PLCZ1: variants seen among roughly 807,000 people sequenced by gnomAD.
PLCZ1 encodes phospholipase C zeta 1.
In PLCZ1, 64 loss-of-function variants were observed where a neutral mutation model predicts 76.8. That is an observed-to-expected ratio of 0.83 (90% confidence interval 0.68 to 1.03). The LOEUF (loss-of-function observed/expected upper bound fraction) is 1.03, where lower values mean the gene tolerates loss of function less well. Ranked by LOEUF, PLCZ1 falls within the 50% of genes least tolerant of loss-of-function variation. The pLI, the probability that PLCZ1 is intolerant of heterozygous loss-of-function variation, is 0.00. For synonymous variants in PLCZ1, 248 were observed against 230.8 expected (o/e 1.07, Z -0.68); for missense variants, 751 against 713.7 (o/e 1.05, Z -0.60).
chr12:18,676,040 A>C, the PLCZ1 span, among the ~76,000 whole-genome samples: 1 of 152,156 alleles, frequency 6.6e-6, no homozygotes, highest in Admixed American at 6.6e-5. Context: ...GAAAGGAAAA[A>C]AAATTATACC....
the PLCZ1 span, among the ~76,000 whole-genome samples, chr12:18,671,441 G>A: frequency 6.6e-5 from 10 of 152,128 alleles, no homozygotes; most frequent in Admixed American, 3.3e-4. Context: ...GTGTGACTGC[G>A]TCAGCATAAT....
chr12:18,667,712 T>A, the PLCZ1 span, among the ~76,000 whole-genome samples: 2 of 152,144 alleles, frequency 1.3e-5, no homozygotes, highest in East Asian at 1.9e-4. Context: ...ATCATAAAAG[T>A]CTATGAAATA....
At chr12:18,704,351 G>C (rs1956318439) in intron 7 of PLCZ1, among the ~76,000 whole-genome samples, 2 of 151,978 alleles carry the variant, frequency 1.3e-5, no homozygotes, top group Non-Finnish European at 2.9e-5. Flanking sequence ...ATATGAAGGA[G>C]TTTTGTTCTT....
intron 10 of PLCZ1, 43 bp from the exon 11 acceptor site, chr12:18,696,309 A>G: frequency 1.7e-6 from 1 of 588,694 alleles, no homozygotes. Context: ...ATTCAAATAA[A>G]TTTAAAAAGC....
chr12:18,723,487 T>G lies in PLCZ1; in HGVS notation c.191A>C (p.Tyr64Ser). Residue 64 changes from tyrosine (Y) to serine (S), a missense_variant, in exon 4 of 15, where the codon TAT becomes TCT. By Grantham distance (144) the Tyr-to-Ser change is moderately radical. Coordinates refer to ENST00000266505, the MANE Select transcript of PLCZ1 (RefSeq NM_033123.4). ...TTCTTCTCTGTGCGTGATAATTCGA[T>G]AAATTGCTCTAAATTCTTCTATGGT... The part of the protein sequence containing the change: ...RITIEEFRAI[Y>S]RIITHREEII... 1 of 1,612,970 alleles carries G rather than the reference T, an allele frequency of 6.2e-7. No homozygotes were observed. Among genetic ancestry groups the G allele is most frequent in the Non-Finnish European group, 8.5e-7 (1 of 1,179,444 alleles).
intron 11 of PLCZ1, among the ~76,000 whole-genome samples, chr12:18,695,802 G>A (rs1051827409): frequency 7.2e-5 from 11 of 152,046 alleles, no homozygotes; most frequent in African/African-American, 2.7e-4. Context: ...AAATGATAGA[G>A]GTCACTTGAT....
At chr12:18,723,565 G>A (rs758774406) in intron 3 of PLCZ1, 23 bp from the exon 4 acceptor site, 2 of 1,559,522 alleles carry the variant, frequency 1.3e-6, no homozygotes, top group Non-Finnish European at 1.8e-6. Context: ...TGACTGGTGG[G>A]CTCACATTGT....
At chr12:18,695,124 C>G (rs1018399657) in intron 11 of PLCZ1, 45 bp from the exon 12 acceptor site, 1 of 1,560,852 alleles carries the variant, frequency 6.4e-7, no homozygotes. Context: ...ATAGAGAATA[C>G]AAATAAAGGA....
Position 18,690,791 on chromosome 12 carries a change from G to A in PLCZ1, c.1462-2573C>T, listed in dbSNP as rs565629887. 7.9e-5 allele frequency among the ~76,000 whole-genome samples: 12 copies of A among 152,204 alleles called. 1 individual carries two copies. The highest frequency in any genetic ancestry group is 2.6e-4 in the African/African-American group (11 of 41,544). On this transcript the variant is annotated intron_variant, in intron 12 of 14. Transcript: ENST00000266505. ...TGCTCTAGTCACAGGAAGAGCCTACGCAATTCGTGGAGGTGAGTCATGGTT... is the reference window on the plus strand; with the variant it reads ...TGCTCTAGTCACAGGAAGAGCCTACACAATTCGTGGAGGTGAGTCATGGTT...
Position 18,723,359 on chromosome 12 carries a change from T to G in PLCZ1, c.319A>C (p.Lys107Gln). 1 of 1,612,882 alleles carries G rather than the reference T, an allele frequency of 6.2e-7. No homozygotes were observed. Among genetic ancestry groups the G allele is most frequent in the Non-Finnish European group, 8.5e-7 (1 of 1,179,386 alleles). ...TQEQYAAEMS[K>Q]AIAFEIIQKY... ...TGAATGATCTCAAAAGCAATAGCTTTACTCATCTCAGCTGCATATTGTTCT... is the reference window on the plus strand; with the variant it reads ...TGAATGATCTCAAAAGCAATAGCTTGACTCATCTCAGCTGCATATTGTTCT... The change falls in exon 4 of 15, where the codon AAA becomes CAA. Residue 107 changes from lysine (K) to glutamine (Q), a missense_variant. By Grantham distance (53) the Lys-to-Gln change is moderately conservative. Coordinates refer to ENST00000266505, the MANE Select transcript of PLCZ1 (RefSeq NM_033123.4).
At chr12:18,645,830 T>A in the PLCZ1 span, among the ~76,000 whole-genome samples, 1 of 152,194 alleles carries the variant, frequency 6.6e-6, no homozygotes, top group Non-Finnish European at 1.5e-5. Context: ...AACTTACAAT[T>A]TATGACTTAT....
At chr12:18,680,423 C>T (rs1403473980), downstream of PLCZ1, among the ~76,000 whole-genome samples, 1 of 151,962 alleles carries the variant, frequency 6.6e-6, no homozygotes, top group Non-Finnish European at 1.5e-5. Flanking sequence ...TACAGGGAAG[C>T]TTCCTCACAC....
At chr12:18,687,361 T>C (rs1953315449) in intron 13 of PLCZ1, among the ~76,000 whole-genome samples, 1 of 152,146 alleles carries the variant, frequency 6.6e-6, no homozygotes, top group Non-Finnish European at 1.5e-5. Context: ...CCACTTTGCT[T>C]TGAGAATATC....
At chr12:18,736,761 G>T in intron 2 of PLCZ1, 1 of 1,033,374 alleles carries the variant, frequency 9.7e-7, no homozygotes, top group Non-Finnish European at 1.3e-6. Context: ...TAAGGAAAGT[G>T]GAAGCATTAG....
chr12:18,715,455 G>A (rs1340781644), intron 5 of PLCZ1, among the ~76,000 whole-genome samples: 2 of 151,146 alleles, frequency 1.3e-5, no homozygotes, highest in African/African-American at 2.4e-5. Context: ...AGACTGGGGT[G>A]CAGTGGCGCG....
At chr12:18,701,057 T>C (rs1955838615) in intron 9 of PLCZ1, among the ~76,000 whole-genome samples, 1 of 151,936 alleles carries the variant, frequency 6.6e-6, no homozygotes, top group Non-Finnish European at 1.5e-5. Context: ...CGATCTCGGC[T>C]CACTGCAACA....
At chr12:18,702,817 A>ATTTTT (rs1956113182) in intron 7 of PLCZ1, among the ~76,000 whole-genome samples, 1 of 95,694 alleles carries the variant, frequency 1.0e-5, no homozygotes, top group African/African-American at 4.6e-5. Context: ...GGATAAAGTA[A>ATTTTT]CTTTTTTTTT....
chr12:18,716,083 A>G (rs71461102), intron 5 of PLCZ1, among the ~76,000 whole-genome samples: 5,356 of 152,142 alleles, frequency 0.035, 130 homozygotes, highest in East Asian at 0.056. Context: ...TAAGTTGGAG[A>G]AGAAACAATG....
intron 4 of PLCZ1, 142 bp downstream of exon 4, chr12:18,723,169 T>G: frequency 2.9e-6 from 2 of 680,214 alleles, no homozygotes; most frequent in South Asian, 1.9e-5. Context: ...AAATATATTT[T>G]CTCAAAGATA....
Sources: gnomAD v4.1 joint callset for allele counts (sites outside exome capture counted in the v4.1 genomes callset) on GRCh38, gnomAD v4.1.1 for gene constraint, MANE v1.5 for transcripts, NCBI Gene and HGNC (gene_info 2026-07-23, HGNC 2026-07-21) for gene names.